AAGAB: variants seen among roughly 807,000 people sequenced by gnomAD.
AAGAB encodes the protein alpha- and gamma-adaptin-binding protein p34.
AAGAB carries 38 observed loss-of-function variants against 44.1 expected under a neutral mutation model. The ratio of observed to expected loss-of-function variants is 0.86; its 90% confidence interval spans 0.67 to 1.13. The LOEUF is 1.13. Among genes scored for constraint, AAGAB ranks in the 50% most tolerant of loss-of-function variants. AAGAB has a pLI of 0.00. For synonymous variants in AAGAB, 131 were observed against 131.8 expected (o/e 0.99, Z 0.04); for missense variants, 450 against 373.8 (o/e 1.20, Z -1.68).
At chr15:67,248,858 G>T (rs1004850829) in intron 1 of AAGAB, among the ~76,000 whole-genome samples, 1 of 152,100 alleles carries the variant, frequency 6.6e-6, no homozygotes, top group East Asian at 1.9e-4. Context: ...AAATGCATGT[G>T]AATTTCAAAC....
At chr15:67,207,019 T>C (rs1285104429) in intron 7 of AAGAB, among the ~76,000 whole-genome samples, 3 of 152,192 alleles carry the variant, frequency 2.0e-5, no homozygotes, top group Admixed American at 2.0e-4. Flanking sequence ...CCGTCTCTAC[T>C]AAAAAACAAC....
At chr15:67,209,883 T>C (rs1217585854) in intron 5 of AAGAB, among the ~76,000 whole-genome samples, 1 of 152,108 alleles carries the variant, frequency 6.6e-6, no homozygotes. Context: ...CCCAGGCTGG[T>C]CTTGAACTCC....
At position 67,208,622 on chromosome 15, in the gene AAGAB, G is replaced by C; in HGVS notation, c.655C>G (p.Leu219Val). 6.2e-7 allele frequency: 1 copy of C among 1,614,182 alleles called. No individual in the cohort carries two copies. The highest frequency in any genetic ancestry group is 8.5e-7 in the Non-Finnish European group (1 of 1,180,020). Residue 219 changes from leucine (L) to valine (V), a missense_variant, in exon 7 of 10, where the codon CTC becomes GTC. Physicochemically the swap from Leu to Val is conservative, Grantham distance 32. Coordinates refer to ENST00000261880, the MANE Select transcript of AAGAB (RefSeq NM_024666.5). ...GATGCACCACCCCGATGATCAGAGAGGGATTCAGTACTATCTGCTGCTGGC... is the reference window on the plus strand; with the variant it reads ...GATGCACCACCCCGATGATCAGAGACGGATTCAGTACTATCTGCTGCTGGC... The part of the protein sequence containing the change: ...HLPAADSTES[L>V]SDHRGGASNT...
At chr15:67,232,582 A>G in intron 4 of AAGAB, 1 of 420,426 alleles carries the variant, frequency 2.4e-6, no homozygotes, top group Non-Finnish European at 4.8e-6. Context: ...AAAGTAGCCA[A>G]AATGTACAAG....
At chr15:67,222,604 G>T (rs1964109966) in intron 5 of AAGAB, among the ~76,000 whole-genome samples, 1 of 151,942 alleles carries the variant, frequency 6.6e-6, no homozygotes, top group Non-Finnish European at 1.5e-5. Context: ...GTCTTTCTAG[G>T]TTTATTTTCC....
intron 1 of AAGAB, among the ~76,000 whole-genome samples, chr15:67,253,370 G>A (rs960119217): frequency 1.3e-5 from 2 of 151,954 alleles, no homozygotes; most frequent in Non-Finnish European, 2.9e-5. Context: ...AGAGGTTGCA[G>A]TGAGCCGAGA....
chr15:67,249,236 T>C (rs1431108619), intron 1 of AAGAB, among the ~76,000 whole-genome samples: 4 of 152,130 alleles, frequency 2.6e-5, no homozygotes, highest in Non-Finnish European at 2.9e-5. Flanking sequence ...GGTTTCACTA[T>C]GTTGGCCAGG....
chr15:67,222,424 C>A (rs549404714), intron 5 of AAGAB, among the ~76,000 whole-genome samples: 2 of 151,816 alleles, frequency 1.3e-5, no homozygotes, highest in Non-Finnish European at 2.9e-5. Flanking sequence ...TTCACATTTT[C>A]TCCTCTCTCC....
rs139361090 is a variant in AAGAB at position 67,215,878 on chromosome 15, C to T, written c.536-6334G>A. ...TTTTCACTAAACTGCTTGAAAAGGGCAAACTTTGAAATCCATTATTAAAAA... is the reference window on the plus strand; with the variant it reads ...TTTTCACTAAACTGCTTGAAAAGGGTAAACTTTGAAATCCATTATTAAAAA... On this transcript the variant is annotated intron_variant, in intron 5 of 9. Coordinates refer to ENST00000261880, the MANE Select transcript of AAGAB (RefSeq NM_024666.5). Among the ~76,000 whole-genome samples the T allele has an allele frequency of 2.5e-3, 388 of 152,188 alleles. 5 individuals carry two copies. The highest frequency in any genetic ancestry group is 0.012 in the East Asian group (62 of 5,182).
At chr15:67,244,861 C>A (rs778219219) in intron 1 of AAGAB, among the ~76,000 whole-genome samples, 2 of 151,514 alleles carry the variant, frequency 1.3e-5, no homozygotes, top group South Asian at 4.2e-4. Flanking sequence ...ATAGACATTT[C>A]ACCAAAGAAG....
At chr15:67,242,020 G>A (rs1422762881) in intron 1 of AAGAB, among the ~76,000 whole-genome samples, 1 of 152,172 alleles carries the variant, frequency 6.6e-6, no homozygotes, top group Non-Finnish European at 1.5e-5. Context: ...GACGTCAGCT[G>A]AAAGGAAAAG....
chr15:67,254,757 G>GTC (rs1965044250), upstream of AAGAB: 17 of 1,321,438 alleles, frequency 1.3e-5, no homozygotes, highest in Admixed American at 3.4e-4. Context: ...GCCTGACCCC[G>GTC]CCCCTAGACC....
chr15:67,252,071 T>C (rs1259075374), intron 1 of AAGAB, among the ~76,000 whole-genome samples: 1 of 152,188 alleles, frequency 6.6e-6, no homozygotes, highest in Non-Finnish European at 1.5e-5. Flanking sequence ...TCTAAGAGCA[T>C]TTTATATACA....
chr15:67,248,209 T>C (rs970814504), intron 1 of AAGAB, among the ~76,000 whole-genome samples: 11 of 152,138 alleles, frequency 7.2e-5, no homozygotes, highest in Non-Finnish European at 1.5e-4. Context: ...TAATGTTGGT[T>C]GAAAAAATGT....
chr15:67,207,853 T>C (rs1053910647), intron 7 of AAGAB, among the ~76,000 whole-genome samples: 2 of 80,672 alleles, frequency 2.5e-5, no homozygotes, highest in African/African-American at 6.8e-5. Flanking sequence ...TTATACATAA[T>C]TTTTTCTTCT....
chr15:67,254,709 G>A (rs1965040420), upstream of AAGAB: 1 of 1,461,788 alleles, frequency 6.8e-7, no homozygotes, highest in African/African-American at 1.4e-5. Context: ...GCGAGGGGGA[G>A]ACAGGCCGGA....
intron 5 of AAGAB, among the ~76,000 whole-genome samples, chr15:67,215,013 CTCAA>C (rs1181371403): frequency 1.3e-5 from 2 of 151,942 alleles, no homozygotes; most frequent in Admixed American, 6.6e-5. Flanking sequence ...ATTAAAAAGA[CTCAA>C]TCATTCTCTC....
intron 1 of AAGAB, among the ~76,000 whole-genome samples, chr15:67,244,872 A>G (rs12910062): frequency 0.2 from 30,075 of 152,106 alleles, 3,932 homozygotes; most frequent in East Asian, 0.47. Flanking sequence ...ACCAAAGAAG[A>G]TATTAAAATG....
intron 5 of AAGAB, among the ~76,000 whole-genome samples, chr15:67,222,925 C>T (rs1942298973): frequency 6.6e-6 from 1 of 152,212 alleles, no homozygotes; most frequent in Non-Finnish European, 1.5e-5. Context: ...TGAAACTGCT[C>T]TTCAAGGTCA....
Sources: allele counts gnomAD v4.1 joint callset (sites outside exome capture counted in the v4.1 genomes callset), GRCh38; gene constraint gnomAD v4.1.1; transcripts MANE v1.5; gene names NCBI Gene and HGNC (gene_info 2026-07-23, HGNC 2026-07-21).